FOXN3: variants seen among roughly 807,000 people sequenced by gnomAD.
FOXN3 encodes forkhead box protein N3.
In FOXN3, 7 loss-of-function variants were observed where a neutral mutation model predicts 38.4. The ratio of observed to expected loss-of-function variants is 0.18; its 90% CI spans 0.10 to 0.34. The LOEUF is 0.34. FOXN3 is among the 10% of genes least tolerant of loss of function. FOXN3 has a pLI of 1.00. For synonymous variants in FOXN3, 230 were observed against 242.2 expected (o/e 0.95, Z 0.47); for missense variants, 456 against 613.4 (o/e 0.74, Z 2.71).
chr14:89,606,816 C>A (rs1465435831), intron 1 of FOXN3, among the ~76,000 whole-genome samples: 1 of 151,950 alleles, frequency 6.6e-6, no homozygotes, highest in African/African-American at 2.4e-5. Context: ...CCACTGCACT[C>A]CAGCCTGGGC....
At chr14:89,466,143 A>C (rs1325170414) in intron 1 of FOXN3, among the ~76,000 whole-genome samples, 1 of 152,160 alleles carries the variant, frequency 6.6e-6, no homozygotes, top group Non-Finnish European at 1.5e-5. Context: ...TCCAGCAACG[A>C]CTGAATGCCT....
intron 4 of FOXN3, among the ~76,000 whole-genome samples, chr14:89,260,373 G>C (rs568405563): frequency 6.6e-6 from 1 of 152,230 alleles, no homozygotes; most frequent in Non-Finnish European, 1.5e-5. Flanking sequence ...GGGAGAGCCC[G>C]ACCACTGCGG....
In FOXN3 at chr14:89,175,242, A is replaced by G. The variant is rs191797544; in HGVS notation, c.851+5459T>C. ...TTCACTTGAGGTTGCTGGAGATCCA[A>G]ATAAAATTAAGCAGCCTTAGACGGT... On this transcript the variant is annotated intron_variant, in intron 5 of 5. Transcript: ENST00000557258. Among the ~76,000 whole-genome samples the G allele has an allele frequency of 2.1e-3, 327 of 152,344 alleles. 4 individuals are homozygous for G. The highest frequency in any genetic ancestry group is 6.5e-4 in the Non-Finnish European group (44 of 68,030).
chr14:89,559,642 C>G (rs1301695812), intron 1 of FOXN3, among the ~76,000 whole-genome samples: 5 of 152,056 alleles, frequency 3.3e-5, no homozygotes, highest in African/African-American at 9.7e-5. Flanking sequence ...CGCCACTGGA[C>G]TCCAGCCTGG....
At chr14:89,417,844 A>C (rs967386616), upstream of FOXN3, 32 of 439,038 alleles carry the variant, frequency 7.3e-5, no homozygotes, top group Non-Finnish European at 1.3e-4. Flanking sequence ...CTCCCGAGGG[A>C]GGGCCGGTGG....
At chr14:89,575,215 C>A (rs990787266) in intron 1 of FOXN3, among the ~76,000 whole-genome samples, 5 of 152,186 alleles carry the variant, frequency 3.3e-5, no homozygotes, top group African/African-American at 1.2e-4. Flanking sequence ...GACCCCCAAG[C>A]GACACTGACT....
rs1370915850 is a variant in FOXN3, at chr14:89,162,436, T to C, written c.1385A>G (p.Gln462Arg). ...TNRTAKGQKEQKETTKN is the reference protein window; with the variant it reads ...TNRTAKGQKERKETTKN ...TTTTTAATTTTTTGTGGTTTCCTTT[T>C]GCTCTTTCTGCCCCTTTGCCGTCCG... Residue 462 changes from glutamine (Q) to arginine (R), a missense_variant, in exon 6 of 6, where the codon CAA becomes CGA. This residue lies in a region of FOXN3 where 386 missense variants were observed against 505.2 expected (regional missense o/e 0.76). Transcript: ENST00000557258. The surrounding 1 kb of genome is among the most constrained non-coding windows in gnomAD (Gnocchi z 7.2). The C allele has an allele frequency of 1.3e-6, 2 of 1,568,400 alleles. No homozygotes were observed. The highest frequency in any genetic ancestry group is 1.7e-6 in the Non-Finnish European group (2 of 1,158,542).
intron 1 of FOXN3, among the ~76,000 whole-genome samples, chr14:89,432,995 T>A (rs1892194721): frequency 6.6e-6 from 1 of 152,184 alleles, no homozygotes; most frequent in Non-Finnish European, 1.5e-5. Context: ...CATAGCATTT[T>A]TCAAGGGCTA....
chr14:89,216,324 T>G (rs1884281165), intron 4 of FOXN3, among the ~76,000 whole-genome samples: 1 of 152,060 alleles, frequency 6.6e-6, no homozygotes, highest in Admixed American at 6.5e-5. Context: ...ACCCAAATGT[T>G]TACCCAAGGC....
chr14:89,252,778 T>C (rs1885499060), intron 4 of FOXN3, among the ~76,000 whole-genome samples: 1 of 152,108 alleles, frequency 6.6e-6, no homozygotes, highest in Non-Finnish European at 1.5e-5. Context: ...ATGAAAATCT[T>C]GGAATAAAGA....
intron 4 of FOXN3, among the ~76,000 whole-genome samples, chr14:89,212,762 A>G (rs904773246): frequency 2.6e-5 from 4 of 152,146 alleles, no homozygotes; most frequent in African/African-American, 4.8e-5. Context: ...TGTATCTCAG[A>G]CCACAGAACC....
intron 1 of FOXN3, among the ~76,000 whole-genome samples, chr14:89,587,961 A>G (rs562885902): frequency 2.0e-5 from 3 of 150,956 alleles, no homozygotes; most frequent in Admixed American, 1.3e-4. Context: ...TTGTTTTAGC[A>G]TCTGATATAG....
intron 1 of FOXN3, among the ~76,000 whole-genome samples, chr14:89,483,485 T>C (rs1566671517): frequency 6.6e-6 from 1 of 152,194 alleles, no homozygotes; most frequent in Non-Finnish European, 1.5e-5. Context: ...CTCGGCTCAC[T>C]GCAACCTCTG....
chr14:89,198,352 G>C (rs1309702729), intron 4 of FOXN3, among the ~76,000 whole-genome samples: 1 of 152,146 alleles, frequency 6.6e-6, no homozygotes, highest in African/African-American at 2.4e-5. Flanking sequence ...TTATATCAGG[G>C]ACTTGAACAT....
intron 1 of FOXN3, among the ~76,000 whole-genome samples, chr14:89,471,323 C>T (rs117024325): frequency 9.9e-5 from 15 of 152,220 alleles, no homozygotes; most frequent in South Asian, 2.1e-4. Flanking sequence ...TCTCCTGGGC[C>T]GGCTGTGGTG....
rs186236966 is a variant in FOXN3, at chr14:89,237,697, T to C, written c.745+43253A>G. ...CCGGAAAACAAAAACTGACCACCCC[T>C]CCCCCTAATTTTTCTTCTCACATTG... On this transcript the variant is annotated intron_variant, in intron 4 of 5. Transcript: ENST00000557258. Among the ~76,000 whole-genome samples, 304 of 151,036 alleles carry C rather than the reference T, an allele frequency of 2.0e-3. 2 individuals carry two copies. Among genetic ancestry groups the C allele is most frequent in the African/African-American group, 7.1e-3 (289 of 40,466 alleles).
chr14:89,363,954 A>ATATATATATATATAT (rs1889995606), intron 2 of FOXN3, among the ~76,000 whole-genome samples: 1 of 2,644 alleles, frequency 3.8e-4, no homozygotes, highest in African/African-American at 4.9e-4. Flanking sequence ...TAAAATATAT[A>ATATATATATATATAT]TATATATATA....
chr14:89,285,754 GAA>G (rs993632005), intron 3 of FOXN3, among the ~76,000 whole-genome samples: 2 of 151,976 alleles, frequency 1.3e-5, no homozygotes, highest in African/African-American at 2.4e-5. Flanking sequence ...TTTACAAGAC[GAA>G]AAGAGTTCCG....
intron 5 of FOXN3, among the ~76,000 whole-genome samples, chr14:89,168,551 C>A (rs1887301615): frequency 1.3e-5 from 2 of 152,024 alleles, no homozygotes; most frequent in African/African-American, 4.8e-5. Flanking sequence ...TTAGATGGAC[C>A]TGAAGATACT....
Sources: allele counts gnomAD v4.1 joint callset (sites outside exome capture counted in the v4.1 genomes callset), GRCh38; gene constraint gnomAD v4.1.1; regional missense constraint gnomAD v4.1.1; non-coding constraint Gnocchi (gnomAD v3.1); transcripts MANE v1.5; gene names NCBI Gene and HGNC (gene_info 2026-07-23, HGNC 2026-07-21).